The following BCAT1 variants were observed in gnomAD, a reference collection of about 807,000 sequenced individuals.
BCAT1 encodes the protein branched chain amino acid transaminase 1, also known as branched-chain-amino-acid aminotransferase, cytosolic.
A neutral mutation model predicts 52.4 loss-of-function variants in BCAT1; 48 were observed. The observed-to-expected ratio is 0.92, with a 90% CI of 0.73 to 1.16. The LOEUF (loss-of-function observed/expected upper bound fraction) is 1.16. BCAT1 is among the 50% of genes most tolerant of loss of function. The pLI is 0.00. For missense variants in BCAT1, 451 were observed against 457.1 expected, an observed-to-expected ratio of 0.99 and a Z score of 0.12; for synonymous variants, 167 against 161.3, an observed-to-expected ratio of 1.04 and a Z score of -0.27.
At chr12:24,922,002 C>T (rs1943506212) in intron 1 of BCAT1, among the ~76,000 whole-genome samples, 1 of 152,218 alleles carries the variant, frequency 6.6e-6, no homozygotes, top group Non-Finnish European at 1.5e-5. Flanking sequence ...TACACACACA[C>T]ATACACACTT....
upstream of BCAT1, chr12:24,949,334 C>T: frequency 8.0e-6 from 2 of 248,626 alleles, no homozygotes; most frequent in South Asian, 9.0e-5. Flanking sequence ...ACTGTGGGTG[C>T]GTATCCGAGT....
intron 1 of BCAT1, among the ~76,000 whole-genome samples, chr12:24,914,538 G>C (rs1376066637): frequency 6.6e-6 from 1 of 152,164 alleles, no homozygotes; most frequent in Non-Finnish European, 1.5e-5. Flanking sequence ...TTTAATAAAA[G>C]GCATTTCCAT....
chr12:24,881,283 ACTC>A lies in BCAT1; in HGVS notation c.390+15_390+17del, dbSNP rs1270567515. The stretch of plus-strand genomic sequence containing the variant: ...TTACATTAAAAGAAACACAAAAGAA[ACTC>A]CTACACTTACATACCGGCAGAGTTG... On this transcript the variant is annotated intron_variant, in intron 4 of 10. Coordinates refer to ENST00000261192, the MANE Select transcript of BCAT1 (RefSeq NM_005504.7). 1 of 1,537,960 alleles carries A rather than the reference ACTC, an allele frequency of 6.5e-7. No individual in the cohort carries two copies. The highest frequency in any genetic ancestry group is 8.9e-7 in the Non-Finnish European group (1 of 1,123,062).
intron 1 of BCAT1, among the ~76,000 whole-genome samples, chr12:24,917,011 G>GA (rs534992451): frequency 1.2e-4 from 18 of 151,386 alleles, no homozygotes; most frequent in South Asian, 4.2e-4. Context: ...TAGCTCAAAA[G>GA]AAAAAAAATA....
intron 5 of BCAT1, among the ~76,000 whole-genome samples, chr12:24,857,169 C>G (rs1474946963): frequency 2.0e-5 from 3 of 152,210 alleles, no homozygotes. Context: ...GGTTTGATAT[C>G]TATGTGACCT....
chr12:24,896,584 C>G (rs1429577840), intron 2 of BCAT1, among the ~76,000 whole-genome samples: 1 of 152,054 alleles, frequency 6.6e-6, no homozygotes, highest in East Asian at 1.9e-4. Context: ...ACCTGGCAAA[C>G]AGCACAACCC....
intron 3 of BCAT1, among the ~76,000 whole-genome samples, chr12:24,890,268 C>T (rs1372136985): frequency 6.6e-6 from 1 of 152,094 alleles, no homozygotes; most frequent in Non-Finnish European, 1.5e-5. Context: ...GAGCCCTTAA[C>T]CCATGGGATC....
At chr12:24,856,618 C>CAGG (rs147980071) in intron 5 of BCAT1, among the ~76,000 whole-genome samples, 7,635 of 152,206 alleles carry the variant, frequency 0.05, 614 homozygotes, top group African/African-American at 0.17. Flanking sequence ...ATCTACAAGC[C>CAGG]AGGAGAGCTC....
chr12:24,871,328 G>A (rs760148313), intron 5 of BCAT1, among the ~76,000 whole-genome samples: 2 of 152,178 alleles, frequency 1.3e-5, no homozygotes, highest in Non-Finnish European at 2.9e-5. Context: ...TCCAGTTAGG[G>A]AATTGGGATA....
chr12:24,818,081 A>C, intron 10 of BCAT1, 32 bp from the exon 11 acceptor site: 1 of 1,607,672 alleles, frequency 6.2e-7, no homozygotes, highest in Middle Eastern at 1.7e-4. Flanking sequence ...GTGTTTCAGT[A>C]CAGAAGCTAA....
rs760034705 is a variant in BCAT1 at position 24,881,366 on chromosome 12, G to A, written c.325C>T (p.Arg109Ter). 6.2e-7 allele frequency: 1 copy of A among 1,613,282 alleles called. No individual in the cohort carries two copies. Among genetic ancestry groups the A allele is most frequent in the South Asian group, 1.1e-5 (1 of 91,066 alleles). Reference sequence around the variant, plus strand: ...ATGTTGAGGTTTGGCTGAAACAGTCGAATTTTATTATCTACTCCTCGAAAT... The same window carrying A: ...ATGTTGAGGTTTGGCTGAAACAGTCAAATTTTATTATCTACTCCTCGAAAT... ...KAFRGVDNKI[R>*]LFQPNLNMDR... Residue 109 changes from arginine (R) to a stop codon, truncating the protein, a stop_gained, in exon 4 of 11, where the codon CGA (arginine) becomes TGA (stop). Transcript: ENST00000261192. LOFTEE classifies it high-confidence loss of function.
intron 1 of BCAT1, among the ~76,000 whole-genome samples, chr12:24,928,623 A>G: frequency 7.3e-6 from 1 of 137,532 alleles, no homozygotes; most frequent in African/African-American, 2.6e-5. Context: ...ATACAGAGCG[A>G]GACAGTCTCA....
chr12:24,869,459 T>G (rs1326102671), intron 5 of BCAT1, among the ~76,000 whole-genome samples: 1 of 152,206 alleles, frequency 6.6e-6, no homozygotes, highest in Admixed American at 6.5e-5. Flanking sequence ...TAAGTTCCAT[T>G]ATTCTCACCT....
intron 10 of BCAT1, among the ~76,000 whole-genome samples, chr12:24,827,111 A>G (rs889865336): frequency 1.3e-5 from 2 of 152,144 alleles, no homozygotes; most frequent in African/African-American, 4.8e-5. Context: ...TTCTTTTCCA[A>G]TTTGGATGCC....
intron 1 of BCAT1, among the ~76,000 whole-genome samples, chr12:24,921,892 C>T (rs7953453): frequency 0.024 from 3,606 of 152,200 alleles, 115 homozygotes; most frequent in African/African-American, 0.068. Flanking sequence ...AGGTGCACAT[C>T]AAAGGAAAGC....
chr12:24,905,903 G>T (rs1943219045), intron 1 of BCAT1, among the ~76,000 whole-genome samples: 1 of 150,848 alleles, frequency 6.6e-6, no homozygotes, highest in Non-Finnish European at 1.5e-5. Flanking sequence ...CATACGAGAT[G>T]ATCCTTTTAA....
chr12:24,907,778 G>A (rs990366920), intron 1 of BCAT1, among the ~76,000 whole-genome samples: 2 of 152,070 alleles, frequency 1.3e-5, no homozygotes, highest in African/African-American at 4.8e-5. Context: ...ACAAAAAATT[G>A]TTCCTACTCC....
chr12:24,893,428 A>T (rs1041277884), intron 3 of BCAT1, among the ~76,000 whole-genome samples: 2 of 152,184 alleles, frequency 1.3e-5, no homozygotes, highest in African/African-American at 4.8e-5. Flanking sequence ...CCTATGGAGC[A>T]AATGAGACCG....
At chr12:24,866,528 G>A (rs1942018390) in intron 5 of BCAT1, among the ~76,000 whole-genome samples, 2 of 152,228 alleles carry the variant, frequency 1.3e-5, no homozygotes, top group Admixed American at 6.5e-5. Context: ...TGCAGCCCTG[G>A]TGCAAGATAC....
Sources: allele counts gnomAD v4.1 joint callset (sites outside exome capture counted in the v4.1 genomes callset), GRCh38; gene constraint gnomAD v4.1.1; transcripts MANE v1.5; gene names NCBI Gene and HGNC (gene_info 2026-07-23, HGNC 2026-07-21).